The following MYH15 variants were observed in gnomAD, a reference collection of about 807,000 sequenced individuals.
MYH15 encodes the protein myosin-15.
Under a neutral mutation model 240.5 loss-of-function variants are expected in MYH15, and 227 were observed. The observed-to-expected ratio is 0.94, with a 90% CI of 0.85 to 1.05. The LOEUF is 1.05. Among genes scored for constraint, MYH15 ranks in the 50% least tolerant of loss-of-function variants. The pLI, the probability that MYH15 is intolerant of heterozygous loss-of-function variation, is 0.00. For synonymous variants in MYH15, 785 were observed against 796.7 expected, an observed-to-expected ratio of 0.99 and a Z score of 0.25; for missense variants, 2,217 against 2,247.5, an observed-to-expected ratio of 0.99 and a Z score of 0.27.
intron 25 of MYH15, among the ~76,000 whole-genome samples, 159 bp downstream of exon 25, chr3:108,437,395 G>C (rs2082847793): frequency 6.8e-6 from 1 of 147,332 alleles, no homozygotes; most frequent in East Asian, 2.3e-4. Flanking sequence ...ATAAAATAAA[G>C]TCCAGTAAAG....
chr3:108,394,847 C>T (rs1253479056), intron 35 of MYH15, among the ~76,000 whole-genome samples: 1 of 152,158 alleles, frequency 6.6e-6, no homozygotes, highest in Non-Finnish European at 1.5e-5. Flanking sequence ...GGTGTGAAAA[C>T]TCGCAGTGTA....
chr3:108,447,324 G>T (rs2082936681), intron 21 of MYH15, among the ~76,000 whole-genome samples: 1 of 152,008 alleles, frequency 6.6e-6, no homozygotes, highest in African/African-American at 2.4e-5. Flanking sequence ...ATGACAGAAA[G>T]CTTTTAAATC....
chr3:108,520,983 A>G (rs2083613911), intron 1 of MYH15, among the ~76,000 whole-genome samples: 1 of 152,142 alleles, frequency 6.6e-6, no homozygotes, highest in South Asian at 2.1e-4. Context: ...ACAGATGTGG[A>G]AACAAAGGCA....
At chr3:108,479,995 C>A (rs1392101125) in intron 11 of MYH15, among the ~76,000 whole-genome samples, 1 of 151,964 alleles carries the variant, frequency 6.6e-6, no homozygotes, top group African/African-American at 2.4e-5. Flanking sequence ...ATGTGTAAGC[C>A]CTGATGCTAG....
chr3:108,395,635 C>CT (rs10708448), intron 35 of MYH15, among the ~76,000 whole-genome samples: 15,316 of 135,420 alleles, frequency 0.11, 1,485 homozygotes, highest in East Asian at 0.48. Flanking sequence ...TTTTTTCTTT[C>CT]TTTTTTTTTT....
chr3:108,542,944 G>C, the MYH15 span, among the ~76,000 whole-genome samples: 3 of 146,832 alleles, frequency 2.0e-5, no homozygotes, highest in South Asian at 6.4e-4. Flanking sequence ...GCAGTGGCAC[G>C]ATCTCAGCTC....
intron 12 of MYH15, among the ~76,000 whole-genome samples, chr3:108,473,987 C>T (rs760672885): frequency 5.3e-5 from 8 of 152,144 alleles, no homozygotes; most frequent in Non-Finnish European, 7.4e-5. Flanking sequence ...TCTTAAATGC[C>T]AATTACCATT....
intron 30 of MYH15, among the ~76,000 whole-genome samples, chr3:108,413,626 A>T (rs543454106): frequency 3.9e-5 from 6 of 152,284 alleles, no homozygotes; most frequent in African/African-American, 1.4e-4. Context: ...CTGTGCCCCA[A>T]ACTTGTGTAA....
At chr3:108,427,617 A>AAC (rs150751928) in intron 27 of MYH15, among the ~76,000 whole-genome samples, 37,695 of 122,640 alleles carry the variant, frequency 0.31, 5,000 homozygotes, top group African/African-American at 0.34. Context: ...ACACACACAC[A>AAC]ACACACACAC....
At chr3:108,502,478 T>C (rs2083445512) in intron 2 of MYH15, among the ~76,000 whole-genome samples, 1 of 152,208 alleles carries the variant, frequency 6.6e-6, no homozygotes, top group South Asian at 2.1e-4. Context: ...TTTAATGAAG[T>C]TCAAAAACTT....
chr3:108,547,638 G>A, the MYH15 span, among the ~76,000 whole-genome samples: 1 of 152,068 alleles, frequency 6.6e-6, no homozygotes, highest in Non-Finnish European at 1.5e-5. Flanking sequence ...AGTAAATGCT[G>A]TATTAACTGA....
chr3:108,485,037 A>G, intron 11 of MYH15, 54 bp downstream of exon 11: 3 of 1,573,436 alleles, frequency 1.9e-6, no homozygotes, highest in South Asian at 1.2e-5. Context: ...AAAGGGGAGC[A>G]GGCTTGGGCC....
At chr3:108,459,902 T>G (rs1213340441) in intron 17 of MYH15, among the ~76,000 whole-genome samples, 1 of 152,162 alleles carries the variant, frequency 6.6e-6, no homozygotes, top group Non-Finnish European at 1.5e-5. Context: ...CAGACTCAGC[T>G]TTAGTCTGAT....
chr3:108,418,666 T>C (rs969866051), intron 28 of MYH15, among the ~76,000 whole-genome samples: 4 of 152,002 alleles, frequency 2.6e-5, no homozygotes, highest in Admixed American at 6.6e-5. Flanking sequence ...AGTTTTACTC[T>C]TGTTGCCCAG....
At chr3:108,478,696 GA>G (rs1257032937) in intron 11 of MYH15, among the ~76,000 whole-genome samples, 1 of 151,426 alleles carries the variant, frequency 6.6e-6, no homozygotes, top group Non-Finnish European at 1.5e-5. Context: ...AAAAAAAAGA[GA>G]AACATTTGTT....
At chr3:108,431,574 T>C (rs941837415) in intron 25 of MYH15, among the ~76,000 whole-genome samples, 5 of 152,204 alleles carry the variant, frequency 3.3e-5, no homozygotes, top group African/African-American at 1.2e-4. Context: ...AAACCCTTTT[T>C]CCTGTATAAA....
intron 27 of MYH15, among the ~76,000 whole-genome samples, chr3:108,424,337 T>C (rs901195098): frequency 2.0e-5 from 3 of 152,220 alleles, no homozygotes; most frequent in Non-Finnish European, 4.4e-5. Context: ...TTTCCATGTA[T>C]AAAGTATTTT....
Position 108,434,189 on chromosome 3 carries a change from G to GT in MYH15, c.3222-3268_3222-3267insA, listed in dbSNP as rs1406006908. On this transcript the variant is annotated intron_variant, in intron 25 of 40. Transcript: ENST00000693548. ...TTAAATATATTATTGAATTGAGAAT[G>GT]GTTTTTTTTTTTTTTTGAGTTTCAC... Among the ~76,000 whole-genome samples, 97 of 87,488 alleles carry GT rather than the reference G, an allele frequency of 1.1e-3. 1 individual carries two copies. The highest frequency in any genetic ancestry group is 2.0e-3 in the Non-Finnish European group (82 of 41,662). The allele number at this position is 87,488 out of a possible 152,430, so 57.4% of individuals were successfully genotyped here. A position where few individuals can be genotyped will look rare whatever the true frequency, so the allele number is the denominator to read the frequency against.
chr3:108,427,635 C>CACACAGAGAG lies in MYH15; in HGVS notation c.3702+856_3702+857insCTCTCTGTGT, dbSNP rs570359637. ...CACACACAACACACACACACACACA[C>CACACAGAGAG]AGAGAGAGAGAGAGAGAGAGAAAGA... On this transcript the variant is annotated intron_variant, in intron 27 of 40. Transcript: ENST00000693548. 2.4e-3 allele frequency among the ~76,000 whole-genome samples: 345 copies of CACACAGAGAG among 146,728 alleles called. 1 individual carries two copies. The highest frequency in any genetic ancestry group is 3.8e-3 in the Non-Finnish European group (254 of 66,944).
Sources: allele counts gnomAD v4.1 joint callset (sites outside exome capture counted in the v4.1 genomes callset), GRCh38; gene constraint gnomAD v4.1.1; transcripts MANE v1.5; gene names NCBI Gene and HGNC (gene_info 2026-07-23, HGNC 2026-07-21).